PDIA6: variants seen among roughly 807,000 people sequenced by gnomAD.
PDIA6 encodes protein disulfide-isomerase A6.
A neutral mutation model predicts 58.4 loss-of-function variants in PDIA6; 29 were observed. That is an observed-to-expected ratio of 0.50 (90% CI 0.37 to 0.68). The LOEUF (loss-of-function observed/expected upper bound fraction) is 0.68, where lower values mean the gene tolerates loss of function less well. PDIA6 is among the 30% of genes least tolerant of loss of function. PDIA6 has a pLI of 0.00. For missense variants in PDIA6, 480 were observed against 551.0 expected (o/e 0.87, Z 1.29); for synonymous variants, 192 against 202.6 (o/e 0.95, Z 0.44).
intron 1 of PDIA6, among the ~76,000 whole-genome samples, chr2:10,831,769 G>T (rs541201831): frequency 6.6e-6 from 1 of 152,142 alleles, no homozygotes; most frequent in Admixed American, 6.5e-5. Flanking sequence ...GTTTCCAAGC[G>T]GAACCCAGCT....
At chr2:10,793,361 T>C (rs1666124945) in intron 4 of PDIA6, among the ~76,000 whole-genome samples, 159 bp from the exon 5 acceptor site, 1 of 152,192 alleles carries the variant, frequency 6.6e-6, no homozygotes, top group African/African-American at 2.4e-5. Context: ...CTCCCCACAA[T>C]GCATTTTGCA....
chr2:10,797,615 A>G, intron 3 of PDIA6, 85 bp downstream of exon 3: 5 of 924,726 alleles, frequency 5.4e-6, no homozygotes, highest in Non-Finnish European at 8.7e-6. Context: ...CTTATTACTT[A>G]AACATACACA....
intron 1 of PDIA6, among the ~76,000 whole-genome samples, chr2:10,824,538 G>C (rs569100920): frequency 6.6e-6 from 1 of 152,352 alleles, no homozygotes; most frequent in African/African-American, 2.4e-5. Flanking sequence ...TCCAGGGTGA[G>C]CATGTGACAT....
At chr2:10,830,870 G>A (rs574644374) in intron 1 of PDIA6, among the ~76,000 whole-genome samples, 2 of 152,180 alleles carry the variant, frequency 1.3e-5, no homozygotes, top group East Asian at 1.9e-4. Flanking sequence ...GGAGGCACAC[G>A]GGGCACTTCT....
At chr2:10,835,813 G>A (rs1667820298), upstream of PDIA6, among the ~76,000 whole-genome samples, 1 of 152,210 alleles carries the variant, frequency 6.6e-6, no homozygotes, top group African/African-American at 2.4e-5. Context: ...CACTTTAGGA[G>A]ACCGAGGCGG....
intron 1 of PDIA6, among the ~76,000 whole-genome samples, chr2:10,809,645 C>CAAAA (rs56308831): frequency 0.16 from 10,149 of 64,366 alleles, 2,289 homozygotes; most frequent in Non-Finnish European, 0.22. Context: ...GACCCGGTCT[C>CAAAA]AAAAAAAAAA....
At chr2:10,815,211 C>T (rs1686501), upstream of PDIA6, among the ~76,000 whole-genome samples, 372 of 152,222 alleles carry the variant, frequency 2.4e-3, 3 homozygotes, top group African/African-American at 8.1e-3. Context: ...CACAGGCTTC[C>T]GGAAATGCAC....
intron 2 of PDIA6, among the ~76,000 whole-genome samples, chr2:10,818,481 AATTTATTT>A (rs750321012): frequency 0.054 from 6,206 of 115,318 alleles, 189 homozygotes; most frequent in Middle Eastern, 0.087. Context: ...TTAACCATTT[AATTTATTT>A]ATTTATTTAT....
rs757791082 is a variant in PDIA6 at position 10,784,310 on chromosome 2, T to A, written c.1271A>T (p.Asp424Val). 6.8e-6 allele frequency: 11 copies of A among 1,613,076 alleles called. No individual in the cohort carries two copies. The highest frequency in any genetic ancestry group is 9.3e-6 in the Non-Finnish European group (11 of 1,179,778). The change falls in exon 13 of 13, where the codon GAC (aspartate) becomes GTC (valine). Residue 424 changes from aspartate to valine, a missense_variant. Transcript: ENST00000272227. ...GRDGELPVED[D>V]IDLSDVELDD... Reference sequence around the variant, plus strand: ...AAGCTCCACATCACTGAGGTCAATGTCATCCTCCACGGGAAGCTGGGAGAC... The same window carrying A: ...AAGCTCCACATCACTGAGGTCAATGACATCCTCCACGGGAAGCTGGGAGAC...
chr2:10,821,049 A>G (rs1446921621), intron 1 of PDIA6: 8 of 531,966 alleles, frequency 1.5e-5, no homozygotes, highest in East Asian at 9.2e-5. Context: ...AGATGGCCAC[A>G]GAATTTTCAG....
At chr2:10,800,250 C>T (rs967004740) in intron 2 of PDIA6, among the ~76,000 whole-genome samples, 5 of 152,182 alleles carry the variant, frequency 3.3e-5, no homozygotes, top group African/African-American at 1.2e-4. Flanking sequence ...AAACCCACAA[C>T]CTGAAATGTT....
rs1665600352 is a variant in PDIA6, at chr2:10,784,432, A to G, written c.1255-106T>C. 6.1e-6 allele frequency: 5 copies of G among 825,272 alleles called. No individual in the cohort carries two copies. In the South Asian group the frequency reaches 8.8e-5, roughly 15 times the overall value. The allele number at this position is 825,272 out of a possible 1,614,324, so 51.1% of individuals were successfully genotyped here. On this transcript the variant is annotated intron_variant, in intron 12 of 12. Transcript: ENST00000272227. ...GACTCTCTGGAGCTACTCCTGCTAC[A>G]ATCCAGGTTCTCCTCAGTCTGACTC...
chr2:10,800,801 G>C (rs187946421), intron 2 of PDIA6, among the ~76,000 whole-genome samples: 24 of 152,050 alleles, frequency 1.6e-4, no homozygotes, highest in Non-Finnish European at 3.2e-4. Context: ...CGTAGCGATA[G>C]GGTCTTGCCA....
intron 1 of PDIA6, among the ~76,000 whole-genome samples, chr2:10,824,788 C>A (rs1437470786): frequency 2.8e-4 from 42 of 152,216 alleles, no homozygotes; most frequent in Admixed American, 2.7e-3. Context: ...AATATGAAAT[C>A]ATCTTTATTG....
Position 10,784,997 on chromosome 2 carries a change from A to G in PDIA6, c.1191T>C (p.Pro397=). The G allele has an allele frequency of 4.4e-6, 7 of 1,586,472 alleles. No homozygotes were observed. Among genetic ancestry groups the G allele is most frequent in the Non-Finnish European group, 5.2e-6 (6 of 1,164,894 alleles). ...TGGTAGGGAAAGCCCCGCCTCCTACAGGTGCCGTGGAGCCACGCCCAAAAG... is the reference window on the plus strand; with the variant it reads ...TGGTAGGGAAAGCCCCGCCTCCTACGGGTGCCGTGGAGCCACGCCCAAAAG... ...ELSFGRGSTA[P]VGGGAFPTIV... Residue 397 remains proline, a synonymous_variant, in exon 12 of 13, where the codon CCT becomes CCC. Transcript: ENST00000272227.
intron 2 of PDIA6, among the ~76,000 whole-genome samples, chr2:10,797,996 G>T (rs1175633044): frequency 6.6e-6 from 1 of 152,058 alleles, no homozygotes; most frequent in East Asian, 1.9e-4. Context: ...GACCAGCCTG[G>T]CTAACATGGT....
intron 1 of PDIA6, among the ~76,000 whole-genome samples, chr2:10,826,154 C>T (rs549075829): frequency 7.9e-5 from 12 of 152,192 alleles, no homozygotes; most frequent in Admixed American, 2.0e-4. Flanking sequence ...AGGAAGGAAG[C>T]GCAGTGGCAT....
Position 10,797,282 on chromosome 2 carries a change from A to C in PDIA6, c.220-75T>G, listed in dbSNP as rs1300862244. On this transcript the variant is annotated intron_variant, in intron 3 of 12. Transcript: ENST00000272227. ...TCCACAAGAACTCATTATCTGCTTCACATAGACTCAGAAAAAGGTAATAAA... is the reference window on the plus strand; with the variant it reads ...TCCACAAGAACTCATTATCTGCTTCCCATAGACTCAGAAAAAGGTAATAAA... 3 of 1,472,208 alleles carry C rather than the reference A, an allele frequency of 2.0e-6. No homozygotes were observed. The African/African-American group carries it at 4.2e-5, about 21-fold the overall frequency. 91.2% of individuals were successfully genotyped at this position (1,472,208 alleles called of 1,614,324 possible). A position where few individuals can be genotyped will look rare whatever the true frequency, so the allele number is the denominator to read the frequency against.
At chr2:10,827,198 G>T (rs1667576586) in intron 1 of PDIA6, among the ~76,000 whole-genome samples, 1 of 152,034 alleles carries the variant, frequency 6.6e-6, no homozygotes, top group Non-Finnish European at 1.5e-5. Flanking sequence ...GAGTAGCTGG[G>T]ACTACAGTTA....
Sources: allele counts gnomAD v4.1 joint callset (sites outside exome capture counted in the v4.1 genomes callset), GRCh38; gene constraint gnomAD v4.1.1; transcripts MANE v1.5; gene names NCBI Gene and HGNC (gene_info 2026-07-23, HGNC 2026-07-21).